Variants in ZCWPW2 observed in about 807,000 individuals in gnomAD.
The protein encoded by ZCWPW2 is zinc finger CW-type PWWP domain protein 2.
Under a neutral mutation model 46.6 loss-of-function variants are expected in ZCWPW2, and 45 were observed. The ratio of observed to expected loss-of-function variants is 0.96; its 90% CI spans 0.76 to 1.24. The LOEUF (loss-of-function observed/expected upper bound fraction) is 1.24, where lower values mean the gene tolerates loss of function less well. Ranked by LOEUF, ZCWPW2 falls within the 50% of genes most tolerant of loss-of-function variation. The pLI is 0.00. For missense variants in ZCWPW2, 429 were observed against 403.9 expected (o/e 1.06, Z -0.53); for synonymous variants, 152 against 137.1 (o/e 1.11, Z -0.76).
At chr3:28,375,627 T>C (rs544253302) in intron 1 of ZCWPW2, among the ~76,000 whole-genome samples, 5 of 152,234 alleles carry the variant, frequency 3.3e-5, no homozygotes, top group Admixed American at 3.3e-4. Context: ...ATTTATCCTT[T>C]GAGTTACCTA....
At chr3:28,454,066 G>T (rs1041109389) in intron 4 of ZCWPW2, among the ~76,000 whole-genome samples, 12 of 151,452 alleles carry the variant, frequency 7.9e-5, no homozygotes, top group African/African-American at 2.7e-4. Context: ...GGATGGTCTC[G>T]ATCTCCTGAC....
chr3:28,432,901 C>T (rs1181703665), intron 3 of ZCWPW2, among the ~76,000 whole-genome samples: 1 of 152,162 alleles, frequency 6.6e-6, no homozygotes. Context: ...CACCATCATT[C>T]TATCCCTGGT....
chr3:28,367,442 T>C (rs1265011755), intron 1 of ZCWPW2, among the ~76,000 whole-genome samples: 1 of 152,228 alleles, frequency 6.6e-6, no homozygotes, highest in African/African-American at 2.4e-5. Context: ...AGTTTCCATG[T>C]AGTTGTGTGG....
At chr3:28,423,330 T>C (rs1184544639) in intron 3 of ZCWPW2, among the ~76,000 whole-genome samples, 1 of 151,672 alleles carries the variant, frequency 6.6e-6, no homozygotes, top group Admixed American at 6.6e-5. Context: ...GTTTAGATTT[T>C]GCTCCCAGCA....
At chr3:28,500,866 A>G (rs1161250651) in intron 6 of ZCWPW2, among the ~76,000 whole-genome samples, 1 of 152,188 alleles carries the variant, frequency 6.6e-6, no homozygotes, top group Non-Finnish European at 1.5e-5. Context: ...GAGAAATCTC[A>G]GAAAAGAATA....
intron 4 of ZCWPW2, among the ~76,000 whole-genome samples, chr3:28,436,328 T>TC (rs1553636387): frequency 1.4e-5 from 2 of 144,812 alleles, no homozygotes; most frequent in African/African-American, 2.6e-5. Context: ...TTTTTCTTTT[T>TC]TTTTTTTTTT....
At chr3:28,411,588 T>G (rs1445333366) in intron 2 of ZCWPW2, among the ~76,000 whole-genome samples, 1 of 152,048 alleles carries the variant, frequency 6.6e-6, no homozygotes, top group Non-Finnish European at 1.5e-5. Flanking sequence ...ACACACACAC[T>G]TCATGTGAAG....
At chr3:28,515,689 T>C (rs1009225412) in intron 8 of ZCWPW2, 68 bp downstream of exon 8, 18 of 1,412,422 alleles carry the variant, frequency 1.3e-5, no homozygotes, top group Non-Finnish European at 1.5e-5. Flanking sequence ...GTAGTTGTAG[T>C]CCTTTGAAGG....
intron 5 of ZCWPW2, among the ~76,000 whole-genome samples, chr3:28,483,519 A>G (rs148191429): frequency 2.0e-5 from 3 of 152,308 alleles, no homozygotes; most frequent in East Asian, 1.9e-4. Flanking sequence ...GATTTCACAA[A>G]ATAACTTGCT....
chr3:28,427,440 G>A (rs1239383556), intron 3 of ZCWPW2, among the ~76,000 whole-genome samples: 1 of 152,124 alleles, frequency 6.6e-6, no homozygotes, highest in Non-Finnish European at 1.5e-5. Flanking sequence ...ATTTTTAACT[G>A]TGATGTACAG....
chr3:28,391,962 C>G (rs970563228), intron 2 of ZCWPW2, among the ~76,000 whole-genome samples: 1 of 152,186 alleles, frequency 6.6e-6, no homozygotes, highest in East Asian at 1.9e-4. Context: ...TCCTTACTTA[C>G]TGTTTGCTAT....
At chr3:28,372,228 G>A (rs569240587) in intron 1 of ZCWPW2, among the ~76,000 whole-genome samples, 1 of 152,228 alleles carries the variant, frequency 6.6e-6, no homozygotes, top group African/African-American at 2.4e-5. Context: ...TAATTATGAA[G>A]ATTGTTGGAT....
At chr3:28,363,904 C>A (rs1416074423) in intron 1 of ZCWPW2, among the ~76,000 whole-genome samples, 1 of 152,160 alleles carries the variant, frequency 6.6e-6, no homozygotes, top group South Asian at 2.1e-4. Flanking sequence ...ACATTCCCTC[C>A]TTTTGTGAAT....
chr3:28,480,795 T>C (rs989713720), intron 5 of ZCWPW2, among the ~76,000 whole-genome samples: 2 of 152,128 alleles, frequency 1.3e-5, no homozygotes, highest in African/African-American at 2.4e-5. Flanking sequence ...AGTTTCAATT[T>C]TCTGCATATG....
chr3:28,404,150 A>C (rs1369546584), intron 2 of ZCWPW2, among the ~76,000 whole-genome samples: 1 of 152,124 alleles, frequency 6.6e-6, no homozygotes, highest in Non-Finnish European at 1.5e-5. Flanking sequence ...ACAAAGGACT[A>C]ATATCCAGAA....
chr3:28,357,074 G>GA (rs61226891), intron 1 of ZCWPW2, among the ~76,000 whole-genome samples: 36 of 150,690 alleles, frequency 2.4e-4, no homozygotes, highest in African/African-American at 2.7e-4. Flanking sequence ...TGCCTATAAA[G>GA]AAAAAAAAAT....
At chr3:28,359,257 A>G (rs1575043792) in intron 1 of ZCWPW2, among the ~76,000 whole-genome samples, 2 of 152,154 alleles carry the variant, frequency 1.3e-5, no homozygotes, top group East Asian at 1.9e-4. Context: ...TAGCATTTAC[A>G]TTTGTGAAAA....
At chr3:28,452,429 G>A (rs1698262073) in intron 4 of ZCWPW2, among the ~76,000 whole-genome samples, 1 of 152,118 alleles carries the variant, frequency 6.6e-6, no homozygotes, top group African/African-American at 2.4e-5. Context: ...CGGAGTAGCA[G>A]GGATTACAGG....
intron 4 of ZCWPW2, among the ~76,000 whole-genome samples, chr3:28,465,749 A>G (rs576592945): frequency 6.6e-6 from 1 of 151,770 alleles, no homozygotes; most frequent in Non-Finnish European, 1.5e-5. Flanking sequence ...AGGAACTCAA[A>G]CAATCAAACA....
Sources: gnomAD v4.1 joint callset for allele counts (sites outside exome capture counted in the v4.1 genomes callset) on GRCh38, gnomAD v4.1.1 for gene constraint, MANE v1.5 for transcripts, NCBI Gene and HGNC (gene_info 2026-07-23, HGNC 2026-07-21) for gene names.